MEI4: variants seen among roughly 807,000 people sequenced by gnomAD.
MEI4 encodes the protein meiosis-specific protein MEI4.
MEI4 carries 27 observed loss-of-function variants against 31.4 expected under a neutral mutation model. That is an observed-to-expected ratio of 0.86 (90% CI 0.63 to 1.19). The LOEUF (loss-of-function observed/expected upper bound fraction) is 1.19. Among genes scored for constraint, MEI4 ranks in the 50% most tolerant of loss-of-function variants. The pLI, the probability that MEI4 is intolerant of heterozygous loss-of-function variation, is 0.00. For synonymous variants in MEI4, 122 were observed against 145.4 expected (o/e 0.84, Z 1.16); for missense variants, 329 against 398.9 (o/e 0.82, Z 1.49).
chr6:77,657,203 T>G (rs568955860), intron 1 of MEI4, among the ~76,000 whole-genome samples: 3 of 152,346 alleles, frequency 2.0e-5, no homozygotes, highest in African/African-American at 7.2e-5. Flanking sequence ...ATTATTAATG[T>G]GCTTACCTCA....
At chr6:77,807,020 T>C (rs1769457910) in intron 3 of MEI4, among the ~76,000 whole-genome samples, 1 of 152,156 alleles carries the variant, frequency 6.6e-6, no homozygotes. Flanking sequence ...GCTATTTTGC[T>C]TTGTTTTGTT....
chr6:77,786,778 GA>G (rs1768747109), intron 3 of MEI4, among the ~76,000 whole-genome samples: 2 of 151,310 alleles, frequency 1.3e-5, no homozygotes, highest in South Asian at 2.1e-4. Flanking sequence ...AGTTGGTTAA[GA>G]AAAAAATTTC....
chr6:77,828,727 G>T (rs1177696921), intron 3 of MEI4, among the ~76,000 whole-genome samples: 1 of 151,974 alleles, frequency 6.6e-6, no homozygotes, highest in South Asian at 2.1e-4. Context: ...CCTGTTTCAT[G>T]TTTCAAAATA....
chr6:77,825,280 A>G (rs1056449607), intron 3 of MEI4, among the ~76,000 whole-genome samples: 2 of 152,148 alleles, frequency 1.3e-5, no homozygotes, highest in Admixed American at 6.6e-5. Flanking sequence ...CCACTCCCCA[A>G]TGATAAGGAA....
intron 2 of MEI4, among the ~76,000 whole-genome samples, chr6:77,715,729 C>T (rs890628119): frequency 1.3e-5 from 2 of 152,120 alleles, no homozygotes; most frequent in South Asian, 2.1e-4. Flanking sequence ...ACGTATGTCT[C>T]CAAACTTCAG....
intron 2 of MEI4, among the ~76,000 whole-genome samples, chr6:77,735,735 C>G (rs920644455): frequency 6.6e-6 from 1 of 152,044 alleles, no homozygotes; most frequent in Non-Finnish European, 1.5e-5. Context: ...TTCAGTTTTT[C>G]TGCTTTGTTT....
At chr6:77,738,085 GT>G (rs1237595047) in intron 2 of MEI4, among the ~76,000 whole-genome samples, 4 of 152,182 alleles carry the variant, frequency 2.6e-5, no homozygotes, top group Non-Finnish European at 5.9e-5. Context: ...GGAATGAGGG[GT>G]TGTATCAAAA....
intron 4 of MEI4, among the ~76,000 whole-genome samples, chr6:77,843,265 A>G (rs1287458807): frequency 6.6e-6 from 1 of 151,978 alleles, no homozygotes; most frequent in African/African-American, 2.4e-5. Context: ...CAGGCAAATT[A>G]TATAAAATTT....
intron 4 of MEI4, 62 bp downstream of exon 4, chr6:77,829,124 C>A: frequency 8.8e-7 from 1 of 1,133,242 alleles, no homozygotes; most frequent in Non-Finnish European, 1.1e-6. Context: ...GTTTTTCTTT[C>A]TTTTCCCTTC....
At chr6:77,736,486 C>T (rs1767234412) in intron 2 of MEI4, among the ~76,000 whole-genome samples, 1 of 152,076 alleles carries the variant, frequency 6.6e-6, no homozygotes, top group Non-Finnish European at 1.5e-5. Context: ...CCTCGCCCTG[C>T]TTCGGCTTGC....
At chr6:77,738,063 A>G (rs547578254) in intron 2 of MEI4, among the ~76,000 whole-genome samples, 1 of 152,320 alleles carries the variant, frequency 6.6e-6, no homozygotes, top group Admixed American at 6.5e-5. Flanking sequence ...AGATGGGGAC[A>G]TCCACGAAAC....
chr6:77,922,771 A>G (rs1255977811), intron 4 of MEI4, among the ~76,000 whole-genome samples: 1 of 151,754 alleles, frequency 6.6e-6, no homozygotes, highest in Non-Finnish European at 1.5e-5. Context: ...TAACACTGGT[A>G]TGACTCCTTG....
At chr6:77,764,401 T>A (rs573276352) in intron 3 of MEI4, among the ~76,000 whole-genome samples, 27 of 152,282 alleles carry the variant, frequency 1.8e-4, no homozygotes, top group African/African-American at 5.1e-4. Flanking sequence ...AAAAGCAAAC[T>A]CTTATTTTTT....
intron 2 of MEI4, among the ~76,000 whole-genome samples, chr6:77,732,982 T>G (rs1767057061): frequency 1.3e-5 from 2 of 151,250 alleles, no homozygotes; most frequent in Admixed American, 1.3e-4. Context: ...GAAGCCCACT[T>G]GATGATGGTG....
chr6:77,849,028 CATATA>C (rs1342464394), intron 4 of MEI4, among the ~76,000 whole-genome samples: 2 of 151,626 alleles, frequency 1.3e-5, no homozygotes, highest in African/African-American at 4.9e-5. Flanking sequence ...AATGAACACA[CATATA>C]ATATAATTGC....
At chr6:77,771,925 C>T (rs574635046) in intron 3 of MEI4, among the ~76,000 whole-genome samples, 1 of 151,946 alleles carries the variant, frequency 6.6e-6, no homozygotes, top group East Asian at 1.9e-4. Context: ...CACCTGTACC[C>T]CTAAACCTAA....
intron 4 of MEI4, among the ~76,000 whole-genome samples, chr6:77,849,969 G>A (rs934643515): frequency 3.3e-5 from 5 of 152,168 alleles, no homozygotes; most frequent in Middle Eastern, 3.4e-3. Context: ...GGCAGAACGC[G>A]GTACAAATTA....
intron 4 of MEI4, among the ~76,000 whole-genome samples, chr6:77,866,192 C>G (rs1375514724): frequency 6.6e-6 from 1 of 151,976 alleles, no homozygotes; most frequent in Non-Finnish European, 1.5e-5. Context: ...CCCTCTCTCA[C>G]CACTCCTATT....
Position 77,738,925 on chromosome 6 carries a change from T to C in MEI4, c.233-22205T>C, listed in dbSNP as rs191159457. The stretch of plus-strand genomic sequence containing the variant: ...TGTCTGTTCATATCCTTTGCCCACT[T>C]TTTGATGGGGTTGTTTTTTTCTTGT... On this transcript the variant is annotated intron_variant, in intron 2 of 4. Transcript: ENST00000684080. 2.6e-5 allele frequency among the ~76,000 whole-genome samples: 4 copies of C among 152,218 alleles called. 1 individual carries two copies. The highest frequency in any genetic ancestry group is 5.9e-5 in the Non-Finnish European group (4 of 68,038).
Sources: gnomAD v4.1 joint callset for allele counts (sites outside exome capture counted in the v4.1 genomes callset) on GRCh38, gnomAD v4.1.1 for gene constraint, MANE v1.5 for transcripts, NCBI Gene and HGNC (gene_info 2026-07-23, HGNC 2026-07-21) for gene names.